Variants in GNG3 observed in about 807,000 individuals in gnomAD.
GNG3 encodes G protein subunit gamma 3, also known as guanine nucleotide-binding protein G(I)/G(S)/G(O) subunit gamma-3.
GNG3 carries 4 observed loss-of-function variants against 5.6 expected under a neutral mutation model. The ratio of observed to expected loss-of-function variants is 0.71; its 90% CI spans 0.35 to 1.63. The LOEUF is 1.63. Ranked by LOEUF, GNG3 falls within the 40% of genes most tolerant of loss-of-function variation. The probability of loss-of-function intolerance (pLI) is 0.05; values close to 1 mark genes in which losing one functional copy is unlikely to be tolerated. For missense variants in GNG3, 62 were observed against 96.6 expected, an observed-to-expected ratio of 0.64 and a Z score of 1.50; for synonymous variants, 30 against 33.5, an observed-to-expected ratio of 0.89 and a Z score of 0.36.
rs1213760276 is a variant in GNG3, at chr11:62,709,016, G to T, written c.*210G>T. On this transcript the variant is annotated 3_prime_UTR_variant, in exon 3 of 3. Coordinates refer to ENST00000294117, the MANE Select transcript of GNG3 (RefSeq NM_012202.5). ...TGTGGCCGACCCCAAGCACCCCAGA[G>T]ATATGAGGCACCCTTTGCTCCACCC... 1.8e-6 allele frequency: 1 copy of T among 561,046 alleles called. No homozygotes were observed. Among genetic ancestry groups the T allele is most frequent in the Non-Finnish European group, 3.2e-6 (1 of 309,606 alleles). 34.8% of individuals were successfully genotyped at this position (561,046 alleles called of 1,614,324 possible).
chr11:62,706,588 T>C, upstream of GNG3: 2 of 468,496 alleles, frequency 4.3e-6, no homozygotes, highest in East Asian at 6.9e-5. Context: ...CCCTTGAGAC[T>C]GCAATCACAG....
At chr11:62,706,997 A>C, upstream of GNG3, 5 of 935,624 alleles carry the variant, frequency 5.3e-6, no homozygotes, top group Non-Finnish European at 3.3e-6. Context: ...GTGGGAAGTA[A>C]TCTATTCAAA....
At chr11:62,708,590 G>C in intron 2 of GNG3, 88 bp from the exon 3 acceptor site, 20 of 1,565,328 alleles carry the variant, frequency 1.3e-5, no homozygotes, top group Middle Eastern at 3.8e-4. Flanking sequence ...GAGCCCTGGA[G>C]ATGGCAAAAG....
rs2083587805 is a variant in GNG3 at position 62,708,951 on chromosome 11, C to A, written c.*145C>A. 2.9e-6 allele frequency: 2 copies of A among 695,096 alleles called. No individual in the cohort carries two copies. Among genetic ancestry groups the A allele is most frequent in the Admixed American group, 4.6e-5 (2 of 43,830 alleles). The allele number at this position is 695,096 out of a possible 1,614,324, so 43.1% of individuals were successfully genotyped here. Reference sequence around the variant, plus strand: ...TGTGAGGTTATCTGAAGCACAAGGCCCACCCTCACCTATCTGTCGACCCCA... The same window carrying A: ...TGTGAGGTTATCTGAAGCACAAGGCACACCCTCACCTATCTGTCGACCCCA... On this transcript the variant is annotated 3_prime_UTR_variant, in exon 3 of 3. Transcript: ENST00000294117.
At position 62,709,021 on chromosome 11, in the gene GNG3, G is replaced by A. The variant is rs1404249917; in HGVS notation, c.*215G>A. ...CCGACCCCAAGCACCCCAGAGATAT[G>A]AGGCACCCTTTGCTCCACCCACAGC... On this transcript the variant is annotated 3_prime_UTR_variant, in exon 3 of 3. Transcript: ENST00000294117. 3.6e-6 allele frequency: 2 copies of A among 554,180 alleles called. No homozygotes were observed. Among genetic ancestry groups the A allele is most frequent in the Middle Eastern group, 4.9e-4 (1 of 2,034 alleles). The allele number at this position is 554,180 out of a possible 1,614,324, so 34.3% of individuals were successfully genotyped here.
chr11:62,706,548 A>T, upstream of GNG3: 2 of 460,948 alleles, frequency 4.3e-6, no homozygotes, highest in South Asian at 3.1e-5. Flanking sequence ...GCCCCAGGGG[A>T]TGCGCTGACT....
chr11:62,708,069 G>A, intron 1 of GNG3, 154 bp downstream of exon 1: 5 of 579,546 alleles, frequency 8.6e-6, no homozygotes, highest in Non-Finnish European at 1.5e-5. Flanking sequence ...AAGGTTTAAT[G>A]ATCTGTGGCC....
Position 62,708,701 on chromosome 11 carries a change from G to A in GNG3, c.123G>A (p.Leu41=), listed in dbSNP as rs1332473703. 3 of 1,613,882 alleles carry A rather than the reference G, an allele frequency of 1.9e-6. No homozygotes were observed. The highest frequency in any genetic ancestry group is 1.7e-5 in the Admixed American group (1 of 59,990). ...RIKVSKAAAD[L]MTYCDAHACE... ...AGGTGTCCAAGGCAGCAGCAGACCT[G>A]ATGACTTACTGTGATGCCCACGCCT... The change falls in exon 3 of 3, where the codon CTG becomes CTA. Residue 41 remains leucine (L), a synonymous_variant. Coordinates refer to ENST00000294117, the MANE Select transcript of GNG3 (RefSeq NM_012202.5).
At chr11:62,708,455 C>T in intron 2 of GNG3, 61 bp downstream of exon 2, 1 of 1,339,682 alleles carries the variant, frequency 7.5e-7, no homozygotes, top group Non-Finnish European at 1.1e-6. Context: ...TGCAGGTTCC[C>T]AAAGCTCAAG....
chr11:62,708,545 C>A (rs2083581585), intron 2 of GNG3, 133 bp from the exon 3 acceptor site: 1 of 1,348,564 alleles, frequency 7.4e-7, no homozygotes, highest in Non-Finnish European at 1.0e-6. Flanking sequence ...GTCCCCAGGC[C>A]TCTGGGGGGG....
At chr11:62,707,217 ACT>A, upstream of GNG3, 1 of 1,548,906 alleles carries the variant, frequency 6.5e-7, no homozygotes, top group Non-Finnish European at 8.7e-7. Context: ...GCCTCTGTTG[ACT>A]CTGGATCTTC....
At chr11:62,707,214 T>G, upstream of GNG3, 1 of 1,551,168 alleles carries the variant, frequency 6.4e-7, no homozygotes. Context: ...CGAGCCTCTG[T>G]TGACTCTGGA....
upstream of GNG3, chr11:62,707,309 G>T: frequency 1.1e-6 from 1 of 906,660 alleles, no homozygotes; most frequent in Non-Finnish European, 1.8e-6. Flanking sequence ...TCCTGGATAT[G>T]GAAAATGGAG....
chr11:62,708,032 G>C, intron 1 of GNG3, 117 bp downstream of exon 1: 1 of 501,406 alleles, frequency 2.0e-6, no homozygotes, highest in Non-Finnish European at 3.6e-6. Context: ...TGGTTTGAAG[G>C]GCTGAAAAGC....
intron 1 of GNG3, 117 bp from the exon 2 acceptor site, chr11:62,708,178 T>C (rs1357364375): frequency 2.7e-6 from 2 of 743,930 alleles, no homozygotes; most frequent in Admixed American, 3.8e-5. Context: ...AGGAGGAGGA[T>C]AGGAGGGGAA....
At chr11:62,708,023 G>A (rs941016413) in intron 1 of GNG3, 108 bp downstream of exon 1, 1 of 480,560 alleles carries the variant, frequency 2.1e-6, no homozygotes, top group South Asian at 2.2e-5. Context: ...GAACACACAT[G>A]GTTTGAAGGG....
At position 62,708,437 on chromosome 11, in the gene GNG3, T is replaced by C. The variant is rs1020746463; in HGVS notation, c.99+43T>C. On this transcript the variant is annotated intron_variant, in intron 2 of 2. Transcript: ENST00000294117. ...TGGCTCCCATTAGTTGGCCAGGCTG[T>C]GCTGTGCTGCAGGTTCCCAAAGCTC... 8 of 1,414,214 alleles carry C rather than the reference T, an allele frequency of 5.7e-6. No individual in the cohort carries two copies. In the African/African-American group the frequency reaches 8.4e-5, roughly 15 times the overall value. 87.6% of individuals were successfully genotyped at this position (1,414,214 alleles called of 1,614,324 possible). A position where few individuals can be genotyped will look rare whatever the true frequency, so the allele number is the denominator to read the frequency against.
Position 62,708,936 on chromosome 11 carries a change from T to C in GNG3, c.*130T>C. 1.3e-6 allele frequency: 1 copy of C among 746,730 alleles called. No individual in the cohort carries two copies. The highest frequency in any genetic ancestry group is 2.5e-4 in the Middle Eastern group (1 of 3,962). 46.3% of individuals were successfully genotyped at this position (746,730 alleles called of 1,614,324 possible). A position where few individuals can be genotyped will look rare whatever the true frequency, so the allele number is the denominator to read the frequency against. Reference sequence around the variant, plus strand: ...ACCCTTGCCTGACCATGTGAGGTTATCTGAAGCACAAGGCCCACCCTCACC... The same window carrying C: ...ACCCTTGCCTGACCATGTGAGGTTACCTGAAGCACAAGGCCCACCCTCACC... On this transcript the variant is annotated 3_prime_UTR_variant, in exon 3 of 3. Transcript: ENST00000294117.
chr11:62,706,783 G>A, upstream of GNG3: 1 of 561,140 alleles, frequency 1.8e-6, no homozygotes, highest in South Asian at 1.6e-5. Context: ...TGTTGCGCAG[G>A]CAGATTAGTG....
Sources: allele counts gnomAD v4.1 joint callset, GRCh38; gene constraint gnomAD v4.1.1; transcripts MANE v1.5; gene names NCBI Gene and HGNC (gene_info 2026-07-23, HGNC 2026-07-21).